HOXB6: variants seen among roughly 807,000 people sequenced by gnomAD.
The protein encoded by HOXB6 is homeobox B6, also known as homeobox protein Hox-B6.
In HOXB6, 18 loss-of-function variants were observed where a neutral mutation model predicts 24.2. The observed-to-expected ratio is 0.74, with a 90% CI of 0.51 to 1.10. The LOEUF (loss-of-function observed/expected upper bound fraction) is 1.10. Ranked by LOEUF, HOXB6 falls within the 50% of genes least tolerant of loss-of-function variation. HOXB6 has a pLI of 0.00. For missense variants in HOXB6, 332 were observed against 308.3 expected (o/e 1.08, Z -0.58); for synonymous variants, 159 against 139.1 (o/e 1.14, Z -1.01).
At chr17:48,600,172 G>C (rs1027491325) in intron 2 of HOXB6, among the ~76,000 whole-genome samples, 1 of 152,136 alleles carries the variant, frequency 6.6e-6, no homozygotes, top group Non-Finnish European at 1.5e-5. Flanking sequence ...TTCTAGAGAG[G>C]ACTAGGGGCC....
chr17:48,604,682 A>G (rs2070542386), intron 1 of HOXB6, 67 bp from the exon 2 acceptor site: 1 of 152,344 alleles, frequency 6.6e-6, no homozygotes, highest in Non-Finnish European at 1.5e-5. Context: ...CTGGCTTTGA[A>G]AAATAGTATC....
rs1350796983 is a variant in HOXB6 at position 48,596,243 on chromosome 17, G to A, written c.*170C>T. On this transcript the variant is annotated 3_prime_UTR_variant, in exon 4 of 4. Transcript: ENST00000225648. This position sits in a 1 kb window ranked among gnomAD's most constrained non-coding sequence, Gnocchi z 4.8. ...GTAGTGAGGCCTCAGAGCACCCGCCGGGAGCTGTGCGGGCGGGGGCGTCCA... is the reference window on the plus strand; with the variant it reads ...GTAGTGAGGCCTCAGAGCACCCGCCAGGAGCTGTGCGGGCGGGGGCGTCCA... The A allele has an allele frequency of 9.7e-7, 1 of 1,025,714 alleles. No homozygotes were observed. The highest frequency in any genetic ancestry group is 1.5e-6 in the Non-Finnish European group (1 of 661,260). The allele number at this position is 1,025,714 out of a possible 1,614,324, so 63.5% of individuals were successfully genotyped here. A position where few individuals can be genotyped will look rare whatever the true frequency, so the allele number is the denominator to read the frequency against.
At chr17:48,604,289 G>T (rs2070534481) in intron 2 of HOXB6, among the ~76,000 whole-genome samples, 191 bp downstream of exon 2, 1 of 151,934 alleles carries the variant, frequency 6.6e-6, no homozygotes, top group African/African-American at 2.4e-5. Flanking sequence ...CCCTGCCTTG[G>T]CTCCCCCTCC....
chr17:48,604,771 G>GAA (rs2070543954), intron 1 of HOXB6, 91 bp downstream of exon 1: 1 of 152,122 alleles, frequency 6.6e-6, no homozygotes, highest in Non-Finnish European at 1.5e-5. Context: ...ATTAACTTAG[G>GAA]AATCAAAATT....
intron 2 of HOXB6, among the ~76,000 whole-genome samples, chr17:48,599,164 G>T (rs188193180): frequency 6.6e-6 from 1 of 152,160 alleles, no homozygotes; most frequent in African/African-American, 2.4e-5. Context: ...AGCCTAGGTG[G>T]CTTTATTTGT....
rs35227248 is a variant in HOXB6, at chr17:48,597,872, G to A, written c.279C>T (p.Ala93=). Residue 93 remains alanine (A), a synonymous_variant, in exon 3 of 4, where the codon GCC becomes GCT. Coordinates refer to ENST00000225648, the MANE Select transcript of HOXB6 (RefSeq NM_018952.5). ...CGGGGTGGAACGGGGGCTGCTCGTC[G>A]GCGCCGGAGAGTGCGCAGGCCGACT... The part of the protein sequence containing the change: ...EKESACALSG[A]DEQPPFHPEP... 3,909 of 1,591,074 alleles carry A rather than the reference G, an allele frequency of 2.5e-3. 84 individuals carry two copies. The African/African-American group carries it at 0.046, about 19-fold the overall frequency.
At chr17:48,598,332 G>A (rs2144962453) in intron 2 of HOXB6, 104 bp from the exon 3 acceptor site, 3 of 597,896 alleles carry the variant, frequency 5.0e-6, no homozygotes, top group Admixed American at 6.7e-5. Context: ...ACTGACCAAT[G>A]GCAGAGGCAG....
At chr17:48,602,066 C>T (rs1262138759) in intron 2 of HOXB6, 1 of 454,550 alleles carries the variant, frequency 2.2e-6, no homozygotes, top group East Asian at 7.0e-5. Context: ...TTTCCCAAAT[C>T]ATATTTAGGT....
chr17:48,600,344 A>G, intron 2 of HOXB6: 1 of 414,998 alleles, frequency 2.4e-6, no homozygotes, highest in South Asian at 1.7e-5. Context: ...GTCTGAACAA[A>G]ATAAGATCTG....
At chr17:48,602,340 C>G (rs1336882441) in intron 2 of HOXB6, 1 of 403,116 alleles carries the variant, frequency 2.5e-6, no homozygotes, top group Non-Finnish European at 4.9e-6. Flanking sequence ...GCCTTGGCTT[C>G]GGATGTCTCA....
chr17:48,595,787 G>GTTA lies in HOXB6; in HGVS notation c.*623_*625dup, dbSNP rs375075188. ...CATCTTTATTATTGTTGTTGTTGTT[G>GTTA]TTATTATTATTATTATTATCATCAT... is the stretch of plus-strand genomic sequence containing the variant. On this transcript the variant is annotated 3_prime_UTR_variant, in exon 4 of 4. Transcript: ENST00000225648. 4,465 of 172,426 alleles carry GTTA rather than the reference G, an allele frequency of 0.026. 182 individuals are homozygous for GTTA. Among genetic ancestry groups the GTTA allele is most frequent in the African/African-American group, 0.1 (3,918 of 38,770 alleles). 10.7% of individuals were successfully genotyped at this position (172,426 alleles called of 1,614,324 possible). A position where few individuals can be genotyped will look rare whatever the true frequency, so the allele number is the denominator to read the frequency against.
rs56805315 is a variant in HOXB6 at position 48,604,972 on chromosome 17, G to A, written c.-325C>T. The A allele has an allele frequency of 0.084, 12,780 of 152,692 alleles. 951 individuals are homozygous for A. The highest frequency in any genetic ancestry group is 0.2 in the African/African-American group (8,510 of 41,516). The allele number at this position is 152,692 out of a possible 1,614,324, so 9.5% of individuals were successfully genotyped here. A position where few individuals can be genotyped will look rare whatever the true frequency, so the allele number is the denominator to read the frequency against. Reference sequence around the variant, plus strand: ...GACAGTGCTCCGACCTAGGTGTGGTGTCCAAAAGAATGCTGCATTATAACC... The same window carrying A: ...GACAGTGCTCCGACCTAGGTGTGGTATCCAAAAGAATGCTGCATTATAACC... On this transcript the variant is annotated 5_prime_UTR_variant, in exon 1 of 4. Coordinates refer to ENST00000225648, the MANE Select transcript of HOXB6 (RefSeq NM_018952.5).
In HOXB6 at chr17:48,597,858, G is replaced by T. The variant is rs749231927; in HGVS notation, c.293C>A (p.Pro98Gln). 3.1e-6 allele frequency: 5 copies of T among 1,596,820 alleles called. No homozygotes were observed. The highest frequency in any genetic ancestry group is 4.6e-5 in the East Asian group (2 of 43,794). Reference sequence around the variant, plus strand: ...CGACTTCCGCGGCTCGGGGTGGAACGGGGGCTGCTCGTCGGCGCCGGAGAG... The same window carrying T: ...CGACTTCCGCGGCTCGGGGTGGAACTGGGGCTGCTCGTCGGCGCCGGAGAG... ...CALSGADEQP[P>Q]FHPEPRKSDC... is the part of the protein sequence containing the mutation. The change falls in exon 3 of 4, where the codon CCG becomes CAG. Residue 98 changes from proline to glutamine, a missense_variant. Pro to Gln is a moderately conservative substitution (Grantham distance 76). Coordinates refer to ENST00000225648, the MANE Select transcript of HOXB6 (RefSeq NM_018952.5).
Position 48,596,796 on chromosome 17 carries a change from C to T in HOXB6, c.416-124G>A, listed in dbSNP as rs1479406712. On this transcript the variant is annotated intron_variant, in intron 3 of 3. Coordinates refer to ENST00000225648, the MANE Select transcript of HOXB6 (RefSeq NM_018952.5). This position sits in a 1 kb window ranked among gnomAD's most constrained non-coding sequence, Gnocchi z 4.8. Reference sequence around the variant, plus strand: ...TGCCCTCTATTCTGCCGGCTCCCTTCCCCCGTTTCGCACTCCTCCAGCGCC... The same window carrying T: ...TGCCCTCTATTCTGCCGGCTCCCTTTCCCCGTTTCGCACTCCTCCAGCGCC... 16 of 1,456,462 alleles carry T rather than the reference C, an allele frequency of 1.1e-5. No individual in the cohort carries two copies. Among genetic ancestry groups the T allele is most frequent in the African/African-American group, 1.4e-5 (1 of 70,352 alleles). The allele number at this position is 1,456,462 out of a possible 1,614,324, so 90.2% of individuals were successfully genotyped here.
Position 48,595,879 on chromosome 17 carries a change from T to C in HOXB6, c.*534A>G. Reference sequence around the variant, plus strand: ...AAGACAAGACTACAAACACAACACATAGAAAATTAATAAAATAGAACTTTG... The same window carrying C: ...AAGACAAGACTACAAACACAACACACAGAAAATTAATAAAATAGAACTTTG... On this transcript the variant is annotated 3_prime_UTR_variant, in exon 4 of 4. Coordinates refer to ENST00000225648, the MANE Select transcript of HOXB6 (RefSeq NM_018952.5). 3.2e-6 allele frequency: 1 copy of C among 315,410 alleles called. No homozygotes were observed. The highest frequency in any genetic ancestry group is 2.6e-5 in the South Asian group (1 of 37,860). The allele number at this position is 315,410 out of a possible 1,614,324, so 19.5% of individuals were successfully genotyped here. A position where few individuals can be genotyped will look rare whatever the true frequency, so the allele number is the denominator to read the frequency against.
At chr17:48,598,291 GC>G in intron 2 of HOXB6, 63 bp from the exon 3 acceptor site, 1 of 827,112 alleles carries the variant, frequency 1.2e-6, no homozygotes, top group Non-Finnish European at 1.8e-6. Flanking sequence ...GCCAGTGAGG[GC>G]CAGAAGGAAA....
At chr17:48,598,250 T>C (rs565949558) in intron 2 of HOXB6, 22 bp from the exon 3 acceptor site, 463 of 1,308,394 alleles carry the variant, frequency 3.5e-4, no homozygotes, top group Non-Finnish European at 4.5e-4. Flanking sequence ...ATATCCGAGA[T>C]TGGGTTTTAG....
Position 48,604,628 on chromosome 17 carries a change from G to C in HOXB6, c.-214-13C>G, listed in dbSNP as rs2070541584. The C allele has an allele frequency of 6.6e-6, 1 of 152,458 alleles. No homozygotes were observed. The highest frequency in any genetic ancestry group is 2.4e-5 in the African/African-American group (1 of 41,398). The allele number at this position is 152,458 out of a possible 1,614,324, so 9.4% of individuals were successfully genotyped here. A position where few individuals can be genotyped will look rare whatever the true frequency, so the allele number is the denominator to read the frequency against. On this transcript the variant is annotated splice_polypyrimidine_tract_variant and intron_variant, in intron 1 of 3. Coordinates refer to ENST00000225648, the MANE Select transcript of HOXB6 (RefSeq NM_018952.5). ...TCCCCTTCTCTGACTTGGGAGAGAG[G>C]GTGTTTCATTTTTCTGACATTTGCA...
At chr17:48,597,709 G>A (rs1473787274) in intron 3 of HOXB6, 27 bp downstream of exon 3, 3 of 1,608,728 alleles carry the variant, frequency 1.9e-6, no homozygotes, top group Non-Finnish European at 1.7e-6. Flanking sequence ...GGGAGCCGGG[G>A]CGACGGCGAC....
Sources: gnomAD v4.1 joint callset for allele counts (sites outside exome capture counted in the v4.1 genomes callset) on GRCh38, gnomAD v4.1.1 for gene constraint, Gnocchi (gnomAD v3.1) non-coding constraint, MANE v1.5 for transcripts, NCBI Gene and HGNC (gene_info 2026-07-23, HGNC 2026-07-21) for gene names.